The following SLC4A10 variants were observed in gnomAD, a reference collection of about 807,000 sequenced individuals.
The protein encoded by SLC4A10 is sodium-driven chloride bicarbonate exchanger.
A neutral mutation model predicts 137.7 loss-of-function variants in SLC4A10; 42 were observed. The observed-to-expected ratio is 0.30, with a 90% CI of 0.24 to 0.39. The LOEUF (loss-of-function observed/expected upper bound fraction) is 0.39, where lower values mean the gene tolerates loss of function less well. Ranked by LOEUF, SLC4A10 falls within the 10% of genes least tolerant of loss-of-function variation. SLC4A10 has a pLI of 1.00. For synonymous variants in SLC4A10, 474 were observed against 464.1 expected (o/e 1.02, Z -0.27); for missense variants, 925 against 1,355.0 (o/e 0.68, Z 4.98).
chr2:161,687,241 C>G (rs1346073815), intron 1 of SLC4A10, among the ~76,000 whole-genome samples: 1 of 152,052 alleles, frequency 6.6e-6, no homozygotes, highest in Non-Finnish European at 1.5e-5. Flanking sequence ...AAAAGAGTTA[C>G]AAATATATAC....
chr2:161,632,414 G>C (rs547914038), intron 1 of SLC4A10, among the ~76,000 whole-genome samples: 2 of 151,074 alleles, frequency 1.3e-5, no homozygotes, highest in Non-Finnish European at 3.0e-5. Flanking sequence ...AAAATGAAAA[G>C]AAAAAAACCC....
chr2:161,768,871 C>T (rs1196321748), intron 1 of SLC4A10, among the ~76,000 whole-genome samples: 1 of 151,904 alleles, frequency 6.6e-6, no homozygotes, highest in African/African-American at 2.4e-5. Flanking sequence ...ACAGCAGTTC[C>T]CTTGTAATAC....
intron 1 of SLC4A10, among the ~76,000 whole-genome samples, chr2:161,752,110 A>G (rs1185384172): frequency 6.6e-6 from 1 of 151,908 alleles, no homozygotes; most frequent in Admixed American, 6.6e-5. Flanking sequence ...TCTGATTCTA[A>G]TTGTTTATCT....
chr2:161,921,950 G>T (rs1305253471), intron 15 of SLC4A10, among the ~76,000 whole-genome samples: 3 of 152,116 alleles, frequency 2.0e-5, no homozygotes, highest in Non-Finnish European at 2.9e-5. Context: ...TGTTAAATCA[G>T]TCAGTTGTCA....
intron 1 of SLC4A10, among the ~76,000 whole-genome samples, chr2:161,625,161 G>T (rs1338258953): frequency 6.6e-6 from 1 of 150,952 alleles, no homozygotes; most frequent in Non-Finnish European, 1.5e-5. Flanking sequence ...GTACAAAGAA[G>T]GTATGCATTT....
At chr2:161,895,096 A>G (rs1240523898) in intron 11 of SLC4A10, among the ~76,000 whole-genome samples, 1 of 125,110 alleles carries the variant, frequency 8.0e-6, no homozygotes, top group Admixed American at 9.9e-5. Flanking sequence ...CCAGAGTGTG[A>G]TGTTCCCCTT....
intron 1 of SLC4A10, among the ~76,000 whole-genome samples, chr2:161,635,697 A>C (rs947644572): frequency 2.6e-5 from 4 of 152,082 alleles, no homozygotes; most frequent in Non-Finnish European, 2.9e-5. Context: ...TGATTTTGGC[A>C]CTGTTTTAGT....
rs571202060 is a variant in SLC4A10, at chr2:161,698,735, C to T, written c.49-72238C>T. 1.5e-4 allele frequency among the ~76,000 whole-genome samples: 23 copies of T among 152,170 alleles called. No individual in the cohort carries two copies. In the East Asian group the frequency reaches 2.3e-3, roughly 15 times the overall value. ...AGTATTTTATTGAGGATTTTTGCAT[C>T]GATGTTCATCAGGGATATTGGTGTA... is the stretch of plus-strand genomic sequence containing the variant. On this transcript the variant is annotated intron_variant, in intron 1 of 26. Transcript: ENST00000446997.
chr2:161,726,615 T>C (rs1230429294), intron 1 of SLC4A10, among the ~76,000 whole-genome samples: 1 of 152,150 alleles, frequency 6.6e-6, no homozygotes, highest in Non-Finnish European at 1.5e-5. Context: ...GGTACCTTTG[T>C]AAGAGAGAAT....
chr2:161,718,618 T>C (rs2045234598), intron 1 of SLC4A10, among the ~76,000 whole-genome samples: 1 of 152,120 alleles, frequency 6.6e-6, no homozygotes. Context: ...TTTGAGTGAG[T>C]TTCTTAATTT....
At chr2:161,826,260 A>G (rs1458973322) in intron 3 of SLC4A10, among the ~76,000 whole-genome samples, 39 of 152,202 alleles carry the variant, frequency 2.6e-4, no homozygotes, top group Non-Finnish European at 8.8e-5. Context: ...ATATGGATTC[A>G]TCTGAACTAT....
rs984005483 is a variant in SLC4A10, at chr2:161,814,689, T to C, written c.277+10094T>C. Among the ~76,000 whole-genome samples the C allele has an allele frequency of 3.9e-5, 6 of 152,146 alleles. No individual in the cohort carries two copies. In the East Asian group the frequency reaches 9.6e-4, roughly 24 times the overall value. On this transcript the variant is annotated intron_variant, in intron 3 of 26. Transcript: ENST00000446997. ...GAACAGAAAACCAAATACCACATGTTCTCACTTATAAGTGGGAGCTAAACA... is the reference window on the plus strand; with the variant it reads ...GAACAGAAAACCAAATACCACATGTCCTCACTTATAAGTGGGAGCTAAACA...
chr2:161,978,400 AAG>A (rs1553652404), intron 26 of SLC4A10, among the ~76,000 whole-genome samples: 38 of 142,542 alleles, frequency 2.7e-4, no homozygotes, highest in African/African-American at 4.8e-4. Context: ...AAAAAAAAAA[AAG>A]AAAAGAAAAA....
chr2:161,771,144 A>G (rs2051545312), intron 2 of SLC4A10, 90 bp downstream of exon 2: 1 of 938,170 alleles, frequency 1.1e-6, no homozygotes, highest in East Asian at 2.7e-5. Flanking sequence ...GAAGAATTGC[A>G]AAAGTTGGTA....
chr2:161,697,375 T>C lies in SLC4A10; in HGVS notation c.48+72809T>C, dbSNP rs1409061236. ...TTTTGGTGTTTTAGACATGAAGTCC[T>C]TGCCCATGCCTATGTCCTGAATGGT... On this transcript the variant is annotated intron_variant, in intron 1 of 26. Transcript: ENST00000446997. Among the ~76,000 whole-genome samples, 3 of 152,300 alleles carry C rather than the reference T, an allele frequency of 2.0e-5. No homozygotes were observed. The East Asian group carries it at 5.8e-4, about 29-fold the overall frequency.
intron 1 of SLC4A10, among the ~76,000 whole-genome samples, chr2:161,633,402 C>T (rs1020280470): frequency 3.3e-5 from 5 of 151,642 alleles, no homozygotes; most frequent in Non-Finnish European, 5.9e-5. Flanking sequence ...GATTAAGCAG[C>T]AACACTAGCA....
intron 16 of SLC4A10, among the ~76,000 whole-genome samples, chr2:161,946,704 T>A (rs551282191): frequency 2.7e-5 from 4 of 150,744 alleles, no homozygotes; most frequent in South Asian, 4.6e-4. Flanking sequence ...AGGAAAAAAA[T>A]TTTTTTGACT....
chr2:161,739,712 G>C (rs2047690183), intron 1 of SLC4A10, among the ~76,000 whole-genome samples: 1 of 152,168 alleles, frequency 6.6e-6, no homozygotes, highest in African/African-American at 2.4e-5. Flanking sequence ...AGCAGTCTCT[G>C]TGTCTTTTGC....
intron 1 of SLC4A10, among the ~76,000 whole-genome samples, chr2:161,636,213 G>T (rs1311363685): frequency 6.6e-6 from 1 of 152,018 alleles, no homozygotes; most frequent in Non-Finnish European, 1.5e-5. Context: ...ACTTTTTGAA[G>T]ACCTCTTGTA....
Sources: gnomAD v4.1 joint callset for allele counts (sites outside exome capture counted in the v4.1 genomes callset) on GRCh38, gnomAD v4.1.1 for gene constraint, MANE v1.5 for transcripts, NCBI Gene and HGNC (gene_info 2026-07-23, HGNC 2026-07-21) for gene names.